Variants in PRKN observed in about 807,000 individuals in gnomAD.
The protein encoded by PRKN is parkin RBR E3 ubiquitin protein ligase.
PRKN carries 56 observed loss-of-function variants against 59.5 expected under a neutral mutation model. That is an observed-to-expected ratio of 0.94 (90% confidence interval 0.76 to 1.18). The LOEUF (loss-of-function observed/expected upper bound fraction) is 1.18. Ranked by LOEUF, PRKN falls within the 50% of genes most tolerant of loss-of-function variation. The probability of loss-of-function intolerance (pLI) is 0.00; values close to 1 mark genes in which losing one functional copy is unlikely to be tolerated. For synonymous variants in PRKN, 250 were observed against 222.1 expected, an observed-to-expected ratio of 1.13 and a Z score of -1.12; for missense variants, 657 against 596.4, an observed-to-expected ratio of 1.10 and a Z score of -1.06.
Position 161,561,904 on chromosome 6 carries a change from A to C in PRKN, c.933+7451T>G, listed in dbSNP as rs1404521349. On this transcript the variant is annotated intron_variant, in intron 8 of 11. Transcript: ENST00000366898. The surrounding 1 kb of genome is among the most constrained non-coding windows in gnomAD (Gnocchi z 5.0). ...CCATAAAACTCTGGCTCCTGTCTTT[A>C]CGCATCCCCCAAAACTGCTCATTAT... 6.6e-6 allele frequency among the ~76,000 whole-genome samples: 1 copy of C among 152,128 alleles called. No homozygotes were observed. The highest frequency in any genetic ancestry group is 1.9e-4 in the East Asian group (1 of 5,164).
chr6:161,861,639 G>C (rs1793907376), intron 6 of PRKN, among the ~76,000 whole-genome samples: 2 of 148,420 alleles, frequency 1.3e-5, no homozygotes, highest in South Asian at 2.1e-4. Flanking sequence ...AAAAACCTTA[G>C]AGTCGTCAGT....
At chr6:161,881,147 G>A (rs773969544) in intron 6 of PRKN, among the ~76,000 whole-genome samples, 2 of 152,112 alleles carry the variant, frequency 1.3e-5, no homozygotes, top group South Asian at 2.1e-4. Flanking sequence ...CACAGAATTC[G>A]AAGACCTTGA....
chr6:162,350,000 G>C (rs994267142), intron 2 of PRKN, among the ~76,000 whole-genome samples: 1 of 152,174 alleles, frequency 6.6e-6, no homozygotes, highest in Non-Finnish European at 1.5e-5. Context: ...GTTTAGCCAA[G>C]TTGGAAGAGA....
intron 9 of PRKN, among the ~76,000 whole-genome samples, chr6:161,493,735 C>T (rs961974072): frequency 4.6e-5 from 7 of 152,216 alleles, no homozygotes; most frequent in Non-Finnish European, 7.3e-5. Flanking sequence ...TGAAACAGAA[C>T]GACGTGCATT....
At chr6:161,563,997 CT>C (rs1780546643) in intron 8 of PRKN, among the ~76,000 whole-genome samples, 1 of 152,192 alleles carries the variant, frequency 6.6e-6, no homozygotes, top group Non-Finnish European at 1.5e-5. Flanking sequence ...GAGCTTCACT[CT>C]CCCTTGTCTA....
chr6:161,503,704 TC>T lies in PRKN; in HGVS notation c.1083+45149del, dbSNP rs2115308722. Among the ~76,000 whole-genome samples the T allele has an allele frequency of 6.6e-6, 1 of 152,346 alleles. No individual in the cohort carries two copies. Among genetic ancestry groups the T allele is most frequent in the Non-Finnish European group, 1.5e-5 (1 of 68,034 alleles). ...CTATGAAGGTCACAACCAGAAGCAG[TC>T]CGGCCTGCAGTTGCTGTTTTAAAAA... On this transcript the variant is annotated intron_variant, in intron 9 of 11. Transcript: ENST00000366898. The surrounding 1 kb of genome is among the most constrained non-coding windows in gnomAD (Gnocchi z 5.1).
intron 6 of PRKN, among the ~76,000 whole-genome samples, chr6:161,955,729 A>G (rs1008551927): frequency 7.2e-5 from 11 of 152,190 alleles, no homozygotes; most frequent in Non-Finnish European, 4.4e-5. Context: ...GAATGCCTGT[A>G]ATCCCAGCTA....
intron 4 of PRKN, among the ~76,000 whole-genome samples, chr6:162,194,652 AT>A (rs1486290366): frequency 6.6e-6 from 1 of 152,202 alleles, no homozygotes; most frequent in Admixed American, 6.5e-5. Context: ...TGTATAAAAA[AT>A]AAATCATCAA....
At chr6:161,750,118 T>TACACAC (rs955038865) in intron 7 of PRKN, among the ~76,000 whole-genome samples, 2 of 137,826 alleles carry the variant, frequency 1.5e-5, no homozygotes, top group African/African-American at 5.4e-5. Flanking sequence ...TATATATATA[T>TACACAC]ACACACACAC....
chr6:161,743,045 T>C (rs1788253280), intron 7 of PRKN, among the ~76,000 whole-genome samples: 1 of 152,120 alleles, frequency 6.6e-6, no homozygotes, highest in Admixed American at 6.6e-5. Flanking sequence ...CTCATTGCCT[T>C]CATAATAAAA....
intron 2 of PRKN, among the ~76,000 whole-genome samples, chr6:162,398,221 A>C (rs1333534988): frequency 6.6e-6 from 1 of 152,146 alleles, no homozygotes; most frequent in African/African-American, 2.4e-5. Flanking sequence ...AAAGGCTTCT[A>C]GTATCATTTC....
At chr6:162,494,477 C>T (rs1792969319) in intron 1 of PRKN, among the ~76,000 whole-genome samples, 1 of 152,190 alleles carries the variant, frequency 6.6e-6, no homozygotes, top group African/African-American at 2.4e-5. Context: ...TCTCCAGAGC[C>T]TGCCATGTGG....
chr6:161,465,499 A>T (rs1790420353), intron 9 of PRKN, among the ~76,000 whole-genome samples: 1 of 150,958 alleles, frequency 6.6e-6, no homozygotes, highest in South Asian at 2.1e-4. Context: ...TTTTTACTAG[A>T]CATGGAATTT....
At chr6:161,962,579 C>G (rs1196362952) in intron 6 of PRKN, among the ~76,000 whole-genome samples, 1 of 145,500 alleles carries the variant, frequency 6.9e-6, no homozygotes, top group Non-Finnish European at 1.5e-5. Flanking sequence ...CTCGCTCTGT[C>G]ATCCAGGCTG....
At chr6:162,467,906 T>C (rs534665999) in intron 1 of PRKN, among the ~76,000 whole-genome samples, 1 of 152,202 alleles carries the variant, frequency 6.6e-6, no homozygotes, top group East Asian at 1.9e-4. Flanking sequence ...TGTTGTTCCC[T>C]TTGCCTGGAG....
chr6:162,479,544 T>C (rs2128181616), intron 1 of PRKN, among the ~76,000 whole-genome samples: 1 of 152,206 alleles, frequency 6.6e-6, no homozygotes, highest in South Asian at 2.1e-4. Flanking sequence ...TTAAAACATT[T>C]TTGTTAAAAA....
chr6:161,833,751 A>G (rs1031050207), intron 6 of PRKN, among the ~76,000 whole-genome samples: 10 of 152,280 alleles, frequency 6.6e-5, no homozygotes, highest in East Asian at 1.9e-4. Context: ...GTCCGAGGCT[A>G]GCACCCACGA....
At chr6:162,524,842 C>T (rs1229043428) in intron 1 of PRKN, among the ~76,000 whole-genome samples, 1 of 152,034 alleles carries the variant, frequency 6.6e-6, no homozygotes, top group Non-Finnish European at 1.5e-5. Context: ...GTTTTTGTGT[C>T]CTCTAAAAAG....
Position 161,545,308 on chromosome 6 carries a change from G to A in PRKN, c.1083+3546C>T. ...AATCACTGGAGTTAATGACGTCTAG[G>A]GCTTTTTCCACATCTGGAACTCTGT... On this transcript the variant is annotated intron_variant, in intron 9 of 11. Transcript: ENST00000366898. This position sits in a 1 kb window ranked among gnomAD's most constrained non-coding sequence, Gnocchi z 4.1. 2 of 1,565,832 alleles carry A rather than the reference G, an allele frequency of 1.3e-6. No homozygotes were observed. The highest frequency in any genetic ancestry group is 1.7e-6 in the Non-Finnish European group (2 of 1,155,010).
Sources: gnomAD v4.1 joint callset for allele counts (sites outside exome capture counted in the v4.1 genomes callset) on GRCh38, gnomAD v4.1.1 for gene constraint, Gnocchi (gnomAD v3.1) non-coding constraint, MANE v1.5 for transcripts, NCBI Gene and HGNC (gene_info 2026-07-23, HGNC 2026-07-21) for gene names.